The following CKAP5 variants were observed in gnomAD, a reference collection of about 807,000 sequenced individuals.
CKAP5 encodes cytoskeleton-associated protein 5.
A neutral mutation model predicts 232.8 loss-of-function variants in CKAP5; 27 were observed. The ratio of observed to expected loss-of-function variants is 0.12; its 90% CI spans 0.09 to 0.16. The LOEUF (loss-of-function observed/expected upper bound fraction) is 0.16. CKAP5 is among the 10% of genes least tolerant of loss of function. CKAP5 has a pLI of 1.00. For synonymous variants in CKAP5, 785 were observed against 841.1 expected, an observed-to-expected ratio of 0.93 and a Z score of 1.16; for missense variants, 1,838 against 2,424.7, an observed-to-expected ratio of 0.76 and a Z score of 5.08.
chr11:46,842,844 G>A (rs906696428), intron 1 of CKAP5, among the ~76,000 whole-genome samples: 5 of 151,732 alleles, frequency 3.3e-5, no homozygotes, highest in African/African-American at 1.2e-4. Context: ...GCGGGCGCCT[G>A]TAGTCCCAGC....
chr11:46,805,781 C>T (rs1482750457), intron 8 of CKAP5, among the ~76,000 whole-genome samples: 1 of 152,066 alleles, frequency 6.6e-6, no homozygotes, highest in East Asian at 1.9e-4. Flanking sequence ...ACTAAAAACA[C>T]AAAAATTAGC....
chr11:46,803,317 G>A (rs2134660766), intron 8 of CKAP5, among the ~76,000 whole-genome samples: 2 of 151,262 alleles, frequency 1.3e-5, no homozygotes, highest in South Asian at 4.2e-4. Flanking sequence ...TTTTTTTTGA[G>A]ACAGAGTCTG....
chr11:46,756,755 T>TC (rs373356061), intron 35 of CKAP5, among the ~76,000 whole-genome samples: 21,676 of 101,162 alleles, frequency 0.21, 2,353 homozygotes, highest in African/African-American at 0.38. Context: ...GGACCTTGAA[T>TC]TTTTTTTTTT....
intron 13 of CKAP5, among the ~76,000 whole-genome samples, chr11:46,795,047 G>A (rs1938836570): frequency 6.6e-6 from 1 of 152,056 alleles, no homozygotes; most frequent in South Asian, 2.1e-4. Flanking sequence ...AGTTAAGACA[G>A]ACCAGGCACG....
intron 1 of CKAP5, among the ~76,000 whole-genome samples, chr11:46,828,983 A>C (rs940354044): frequency 6.6e-6 from 1 of 152,250 alleles, no homozygotes; most frequent in Non-Finnish European, 1.5e-5. Flanking sequence ...TGAACTGTAC[A>C]CTTAAAAATG....
intron 1 of CKAP5, among the ~76,000 whole-genome samples, chr11:46,824,769 T>C (rs896844651): frequency 6.6e-6 from 1 of 152,362 alleles, no homozygotes; most frequent in East Asian, 1.9e-4. Flanking sequence ...ATCTGGATTT[T>C]ATAAACAGAT....
chr11:46,752,181 T>TAC (rs1233497841), intron 38 of CKAP5, among the ~76,000 whole-genome samples: 2 of 61,456 alleles, frequency 3.3e-5, no homozygotes, highest in African/African-American at 1.0e-4. Flanking sequence ...TATATATATA[T>TAC]ATATATATAT....
At chr11:46,771,321 G>A (rs1041381407) in intron 24 of CKAP5, among the ~76,000 whole-genome samples, 2 of 152,130 alleles carry the variant, frequency 1.3e-5, no homozygotes, top group African/African-American at 4.8e-5. Context: ...CACTTATTGT[G>A]ATCAGAAGGT....
At chr11:46,834,335 A>G (rs2134713180) in intron 1 of CKAP5, among the ~76,000 whole-genome samples, 1 of 152,098 alleles carries the variant, frequency 6.6e-6, no homozygotes, top group East Asian at 1.9e-4. Context: ...CCTGGCCAAC[A>G]TAGTGAAACC....
intron 13 of CKAP5, 108 bp downstream of exon 13, chr11:46,795,486 T>C (rs184392802): frequency 3.6e-6 from 3 of 826,030 alleles, no homozygotes; most frequent in Admixed American, 2.8e-5. Flanking sequence ...GTATTTTTAA[T>C]GTGGCCAATG....
Position 46,750,474 on chromosome 11 carries a change from G to A in CKAP5, c.5545-41C>T, listed in dbSNP as rs1177747989. The A allele has an allele frequency of 1.9e-6, 3 of 1,612,372 alleles. No individual in the cohort carries two copies. In the African/African-American group the frequency reaches 4.0e-5, roughly 22 times the overall value. On this transcript the variant is annotated intron_variant, in intron 41 of 43. Coordinates refer to ENST00000529230, the MANE Select transcript of CKAP5 (RefSeq NM_001008938.4). ...AGGGAAGAGGTGGGGATGAATGTTA[G>A]TGTCCCTTTACCATAAAGCAGACCC...
intron 42 of CKAP5, among the ~76,000 whole-genome samples, chr11:46,745,101 T>C (rs868026106): frequency 5.9e-5 from 9 of 152,334 alleles, no homozygotes; most frequent in South Asian, 4.1e-4. Context: ...TCTGTAACCC[T>C]ACCACTAAGA....
At chr11:46,825,772 TA>T (rs1478264380) in intron 1 of CKAP5, among the ~76,000 whole-genome samples, 5 of 151,958 alleles carry the variant, frequency 3.3e-5, no homozygotes, top group South Asian at 2.1e-4. Flanking sequence ...AAAAAGAAAT[TA>T]TTTTTTTAAA....
At chr11:46,786,868 C>A (rs1039041093) in intron 16 of CKAP5, among the ~76,000 whole-genome samples, 1 of 152,128 alleles carries the variant, frequency 6.6e-6, no homozygotes, top group Middle Eastern at 3.2e-3. Context: ...GGAGACAGAT[C>A]ACATTGGTTC....
intron 1 of CKAP5, among the ~76,000 whole-genome samples, chr11:46,835,317 TAGCAAGG>T (rs1939889902): frequency 6.6e-6 from 1 of 151,918 alleles, no homozygotes; most frequent in African/African-American, 2.4e-5. Context: ...GACACCCCAC[TAGCAAGG>T]AGCAGACGGC....
chr11:46,793,499 C>CA (rs990206922), intron 13 of CKAP5, among the ~76,000 whole-genome samples: 10 of 152,228 alleles, frequency 6.6e-5, no homozygotes, highest in African/African-American at 2.4e-4. Flanking sequence ...CCTGGACTGG[C>CA]ATGAAGACTC....
Position 46,754,655 on chromosome 11 carries a change from C to T in CKAP5, c.4869+233G>A, listed in dbSNP as rs371405409. Among the ~76,000 whole-genome samples, 95 of 152,282 alleles carry T rather than the reference C, an allele frequency of 6.2e-4. 2 individuals carry two copies. In the South Asian group the frequency reaches 0.019, roughly 31 times the overall value. On this transcript the variant is annotated intron_variant, in intron 36 of 43. Coordinates refer to ENST00000529230, the MANE Select transcript of CKAP5 (RefSeq NM_001008938.4). ...CTACCATGCCTGATGAAGAAACTGGCCGGAAGAAGCTAGGTAGTCTGTAAG... is the reference window on the plus strand; with the variant it reads ...CTACCATGCCTGATGAAGAAACTGGTCGGAAGAAGCTAGGTAGTCTGTAAG...
intron 4 of CKAP5, 96 bp from the exon 5 acceptor site, chr11:46,811,274 A>C: frequency 1.1e-6 from 1 of 952,376 alleles, no homozygotes; most frequent in South Asian, 1.9e-5. Context: ...ATATCTACAT[A>C]TTAGAAGAAT....
At chr11:46,803,993 TGA>T (rs1226967709) in intron 8 of CKAP5, among the ~76,000 whole-genome samples, 1 of 152,226 alleles carries the variant, frequency 6.6e-6, no homozygotes, top group African/African-American at 2.4e-5. Context: ...TCTAGTTCAA[TGA>T]ATCTGGGATG....
Sources: allele counts gnomAD v4.1 joint callset (sites outside exome capture counted in the v4.1 genomes callset), GRCh38; gene constraint gnomAD v4.1.1; transcripts MANE v1.5; gene names NCBI Gene and HGNC (gene_info 2026-07-23, HGNC 2026-07-21).